Variants in NUMB observed in about 807,000 individuals in gnomAD.
NUMB encodes NUMB endocytic adaptor protein, also known as protein numb homolog.
In NUMB, 29 loss-of-function variants were observed where a neutral mutation model predicts 59.7. The observed-to-expected ratio is 0.49, with a 90% CI of 0.36 to 0.66. NUMB has a LOEUF of 0.66. NUMB is among the 30% of genes least tolerant of loss of function. The pLI is 0.00. For synonymous variants in NUMB, 288 were observed against 288.2 expected (o/e 1.00, Z 0.01); for missense variants, 723 against 822.0 (o/e 0.88, Z 1.47).
At chr14:73,372,308 T>TAC in intron 2 of NUMB, among the ~76,000 whole-genome samples, 2 of 65,544 alleles carry the variant, frequency 3.1e-5, no homozygotes, top group South Asian at 1.2e-3. Flanking sequence ...ATTTCTTTTA[T>TAC]ATATATATAT....
intron 1 of NUMB, among the ~76,000 whole-genome samples, chr14:73,419,866 TGAAA>T (rs1897286630): frequency 6.6e-6 from 1 of 152,186 alleles, no homozygotes; most frequent in South Asian, 2.1e-4. Context: ...TAGTCCAAGC[TGAAA>T]CTTAATTTTT....
chr14:73,382,676 T>C (rs1895305922), intron 2 of NUMB, among the ~76,000 whole-genome samples: 1 of 152,170 alleles, frequency 6.6e-6, no homozygotes, highest in Non-Finnish European at 1.5e-5. Flanking sequence ...ACTCCTACTT[T>C]TAACTACCAT....
chr14:73,343,770 A>ATT (rs3028695), intron 4 of NUMB, among the ~76,000 whole-genome samples: 117,638 of 152,106 alleles, frequency 0.77, 45,965 homozygotes, highest in African/African-American at 0.88. Context: ...TTGATATCAA[A>ATT]AAGGAGATAG....
intron 2 of NUMB, among the ~76,000 whole-genome samples, chr14:73,398,373 T>A (rs1896235715): frequency 6.6e-6 from 1 of 150,420 alleles, no homozygotes; most frequent in African/African-American, 2.5e-5. Context: ...CATATTTGTA[T>A]ATGAGAGAGA....
chr14:73,363,987 A>AT (rs1894215798), intron 3 of NUMB, among the ~76,000 whole-genome samples: 1 of 152,222 alleles, frequency 6.6e-6, no homozygotes, highest in African/African-American at 2.4e-5. Context: ...CCAACTGTAT[A>AT]TTTTTTTCTA....
intron 2 of NUMB, among the ~76,000 whole-genome samples, chr14:73,407,365 G>A (rs1896719286): frequency 6.6e-6 from 1 of 152,072 alleles, no homozygotes; most frequent in Non-Finnish European, 1.5e-5. Context: ...GATGAGAGGA[G>A]CACTTGAGCC....
Position 73,420,589 on chromosome 14 carries a change from G to T in NUMB, c.-232-10521C>A, listed in dbSNP as rs770286708. ...AATCCCAGCACTTTGGGATGCCAAC[G>T]CACGCGGATTGCTTGAGTCCAGAAG... On this transcript the variant is annotated intron_variant, in intron 1 of 12. Transcript: ENST00000555238. 2.0e-5 allele frequency among the ~76,000 whole-genome samples: 3 copies of T among 152,138 alleles called. No individual in the cohort carries two copies. In the South Asian group the frequency reaches 6.2e-4, roughly 32 times the overall value.
At chr14:73,345,546 T>C (rs1223384513) in intron 4 of NUMB, among the ~76,000 whole-genome samples, 1 of 152,198 alleles carries the variant, frequency 6.6e-6, no homozygotes, top group Non-Finnish European at 1.5e-5. Context: ...CTTAATTACA[T>C]TGAGGATCCC....
At chr14:73,418,519 C>T (rs1051580868) in intron 1 of NUMB, among the ~76,000 whole-genome samples, 1 of 152,160 alleles carries the variant, frequency 6.6e-6, no homozygotes, top group Non-Finnish European at 1.5e-5. Context: ...CACCTGTAAT[C>T]CCAGCGCTTT....
chr14:73,275,478 T>C lies in NUMB; in HGVS notation c.*1100A>G, dbSNP rs906312983. On this transcript the variant is annotated 3_prime_UTR_variant, in exon 13 of 13. Coordinates refer to ENST00000555238, the MANE Select transcript of NUMB (RefSeq NM_001005743.2). ...ACTCATGGGAACAAAATTTAAAGGA[T>C]AAAACAAAACCCACCAAGACCCATA... The C allele has an allele frequency of 6.6e-6, 1 of 152,232 alleles. No homozygotes were observed. Among genetic ancestry groups the C allele is most frequent in the Admixed American group, 6.6e-5 (1 of 15,266 alleles). 9.4% of individuals were successfully genotyped at this position (152,232 alleles called of 1,614,324 possible).
intron 1 of NUMB, among the ~76,000 whole-genome samples, chr14:73,428,876 T>C (rs952408740): frequency 1.1e-4 from 17 of 152,258 alleles, no homozygotes; most frequent in African/African-American, 3.9e-4. Flanking sequence ...ATTTTTAATA[T>C]GGTAATATAT....
chr14:73,385,663 G>A (rs184730873), intron 2 of NUMB, among the ~76,000 whole-genome samples: 2 of 151,814 alleles, frequency 1.3e-5, no homozygotes, highest in Admixed American at 1.3e-4. Context: ...CACCACACCC[G>A]GCTAATTTTT....
intron 8 of NUMB, 135 bp from the exon 9 acceptor site, chr14:73,287,449 GCT>G (rs1427704603): frequency 4.1e-6 from 3 of 727,698 alleles, no homozygotes; most frequent in Non-Finnish European, 6.6e-6. Context: ...CGCAGTCTCT[GCT>G]CACTGCAACC....
intron 1 of NUMB, among the ~76,000 whole-genome samples, chr14:73,419,849 C>A (rs1897285780): frequency 1.3e-5 from 2 of 152,098 alleles, no homozygotes; most frequent in Non-Finnish European, 2.9e-5. Flanking sequence ...AGGGATGAAT[C>A]CAAACTTAGT....
At chr14:73,415,222 C>T (rs1040286153) in intron 1 of NUMB, among the ~76,000 whole-genome samples, 9 of 152,146 alleles carry the variant, frequency 5.9e-5, no homozygotes, top group African/African-American at 2.2e-4. Flanking sequence ...TCAGTTTTAA[C>T]AACTGTGTTA....
chr14:73,319,927 C>G (rs1330494393), intron 5 of NUMB, among the ~76,000 whole-genome samples: 1 of 152,072 alleles, frequency 6.6e-6, no homozygotes, highest in Admixed American at 6.6e-5. Flanking sequence ...GTCATGAATT[C>G]AAGACCACCC....
intron 4 of NUMB, among the ~76,000 whole-genome samples, chr14:73,349,196 T>C (rs1222449120): frequency 1.3e-5 from 2 of 152,214 alleles, no homozygotes; most frequent in Non-Finnish European, 2.9e-5. Context: ...ATCTCAGCAC[T>C]TTGGGAGGCC....
chr14:73,386,429 T>C (rs12589279), intron 2 of NUMB, among the ~76,000 whole-genome samples: 35,769 of 152,092 alleles, frequency 0.24, 5,133 homozygotes, highest in East Asian at 0.68. Context: ...GAGAAAGAAG[T>C]TGATCCAACG....
chr14:73,388,840 G>A (rs1165198470), intron 2 of NUMB, among the ~76,000 whole-genome samples: 1 of 152,218 alleles, frequency 6.6e-6, no homozygotes, highest in South Asian at 2.1e-4. Flanking sequence ...GCTCACGCCT[G>A]TAATCCCAGC....
Sources: gnomAD v4.1 joint callset for allele counts (sites outside exome capture counted in the v4.1 genomes callset) on GRCh38, gnomAD v4.1.1 for gene constraint, MANE v1.5 for transcripts, NCBI Gene and HGNC (gene_info 2026-07-23, HGNC 2026-07-21) for gene names.